Variants in COL4A2 observed in about 807,000 individuals in gnomAD.
COL4A2 encodes collagen type IV alpha 2 chain.
In COL4A2, 99 loss-of-function variants were observed where a neutral mutation model predicts 200.2. The ratio of observed to expected loss-of-function variants is 0.49; its 90% CI spans 0.42 to 0.58. The LOEUF (loss-of-function observed/expected upper bound fraction) is 0.58. Among genes scored for constraint, COL4A2 ranks in the 20% least tolerant of loss-of-function variants. COL4A2 has a pLI of 0.00. For missense variants in COL4A2, 1,950 were observed against 2,314.1 expected (o/e 0.84, Z 3.23); for synonymous variants, 897 against 900.6 (o/e 1.00, Z 0.07).
chr13:110,440,765 G>A (rs750628678), intron 16 of COL4A2, among the ~76,000 whole-genome samples: 9 of 152,124 alleles, frequency 5.9e-5, no homozygotes, highest in Non-Finnish European at 1.0e-4. Flanking sequence ...CACAGCACAC[G>A]CCTCCTACGG....
intron 3 of COL4A2, among the ~76,000 whole-genome samples, chr13:110,329,554 C>G (rs1369761934): frequency 6.6e-6 from 1 of 152,194 alleles, no homozygotes; most frequent in Non-Finnish European, 1.5e-5. Flanking sequence ...CTCACTTTAT[C>G]CTCATGGCAT....
At chr13:110,334,908 G>C (rs924732591) in intron 3 of COL4A2, among the ~76,000 whole-genome samples, 1 of 152,178 alleles carries the variant, frequency 6.6e-6, no homozygotes, top group African/African-American at 2.4e-5. Context: ...TTCAGCCCTC[G>C]GTCTGATTCA....
At chr13:110,308,036 G>T (rs764334376) in intron 2 of COL4A2, 33 bp from the exon 3 acceptor site, 1 of 1,612,860 alleles carries the variant, frequency 6.2e-7, no homozygotes, top group South Asian at 1.1e-5. Context: ...GGGCCCGCAC[G>T]TTCACGTCTC....
intron 47 of COL4A2, among the ~76,000 whole-genome samples, chr13:110,510,071 ATC>A (rs1884034868): frequency 6.6e-6 from 1 of 152,238 alleles, no homozygotes; most frequent in African/African-American, 2.4e-5. Context: ...GGCTGCTGGC[ATC>A]TCAGCATAAT....
chr13:110,483,083 G>A (rs574915642), intron 32 of COL4A2, among the ~76,000 whole-genome samples: 2 of 152,308 alleles, frequency 1.3e-5, no homozygotes, highest in South Asian at 2.1e-4. Context: ...CAGAGAGAAC[G>A]TGGTCCACAC....
At chr13:110,468,376 T>C (rs190556638) in intron 27 of COL4A2, 11 of 468,342 alleles carry the variant, frequency 2.3e-5, no homozygotes, top group Admixed American at 9.4e-5. Flanking sequence ...CCCAAAATGG[T>C]GACAACTCTG....
chr13:110,468,430 G>T, intron 27 of COL4A2: 2 of 426,136 alleles, frequency 4.7e-6, no homozygotes, highest in Non-Finnish European at 9.7e-6. Context: ...AGCACGCTCA[G>T]CACACACCCA....
intron 16 of COL4A2, among the ~76,000 whole-genome samples, chr13:110,443,597 C>T (rs1044764159): frequency 2.2e-4 from 34 of 152,256 alleles, no homozygotes; most frequent in African/African-American, 7.2e-4. Context: ...GGGGGAGGGC[C>T]GGGGAGAAAG....
chr13:110,412,848 T>C lies in COL4A2; in HGVS notation c.181-11886T>C, dbSNP rs202187840. ...TCTCATCAGATGCTGAGCGCGGGCC[T>C]CACTGGCCCAGCCCTCCTTTCCACA... On this transcript the variant is annotated intron_variant, in intron 4 of 47. Coordinates refer to ENST00000360467, the MANE Select transcript of COL4A2 (RefSeq NM_001846.4). 1.6e-4 allele frequency among the ~76,000 whole-genome samples: 25 copies of C among 152,360 alleles called. No homozygotes were observed. In the East Asian group the frequency reaches 4.8e-3, roughly 29 times the overall value.
chr13:110,484,860 T>A, intron 32 of COL4A2, 45 bp from the exon 33 acceptor site: 1 of 1,555,880 alleles, frequency 6.4e-7, no homozygotes, highest in Non-Finnish European at 8.7e-7. Flanking sequence ...TTCTCCTGCG[T>A]GGTCTGGAGC....
chr13:110,369,871 C>T (rs1048446400), intron 4 of COL4A2, among the ~76,000 whole-genome samples: 2 of 152,112 alleles, frequency 1.3e-5, no homozygotes, highest in African/African-American at 4.8e-5. Flanking sequence ...ATTCATTGAT[C>T]GCAGCACAGC....
At chr13:110,435,366 G>C (rs536180427) in intron 12 of COL4A2, among the ~76,000 whole-genome samples, 1 of 152,090 alleles carries the variant, frequency 6.6e-6, no homozygotes, top group Non-Finnish European at 1.5e-5. Flanking sequence ...GAATAGTCCC[G>C]TTAGATATAA....
chr13:110,438,195 T>G (rs192560904), intron 14 of COL4A2, among the ~76,000 whole-genome samples, 158 bp downstream of exon 14: 6 of 152,356 alleles, frequency 3.9e-5, no homozygotes, highest in African/African-American at 1.2e-4. Context: ...ATTTTTACAC[T>G]GTATTTTAAG....
intron 3 of COL4A2, among the ~76,000 whole-genome samples, chr13:110,317,033 C>T (rs1304798210): frequency 6.6e-6 from 1 of 151,128 alleles, no homozygotes; most frequent in Non-Finnish European, 1.5e-5. Flanking sequence ...CAGATGCACA[C>T]ATACATGCAT....
At position 110,438,611 on chromosome 13, in the gene COL4A2, C is replaced by T. The variant is rs2139467174; in HGVS notation, c.862-7C>T. ...TTGCTCCTTACGCCCCCTCTGCTCT[C>T]TCCTAGGGCATTTCCTTGAAGGGAG... On this transcript the variant is annotated splice_polypyrimidine_tract_variant and splice_region_variant and intron_variant, in intron 14 of 47. Transcript: ENST00000360467. The T allele has an allele frequency of 1.9e-6, 3 of 1,614,214 alleles. No individual in the cohort carries two copies. The highest frequency in any genetic ancestry group is 2.5e-6 in the Non-Finnish European group (3 of 1,180,032).
At chr13:110,422,971 C>G (rs2139451722) in intron 4 of COL4A2, among the ~76,000 whole-genome samples, 1 of 152,294 alleles carries the variant, frequency 6.6e-6, no homozygotes, top group African/African-American at 2.4e-5. Flanking sequence ...AGACACGTCT[C>G]AGCTGAACAG....
intron 47 of COL4A2, 139 bp from the exon 48 acceptor site, chr13:110,511,795 C>G (rs1225424422): frequency 1.4e-6 from 2 of 1,394,296 alleles, no homozygotes; most frequent in Non-Finnish European, 1.9e-6. Context: ...GGCGCATTCG[C>G]GAGGATGCCT....
Position 110,357,474 on chromosome 13 carries a change from T to C in COL4A2, c.102T>C (p.Gly34=), listed in dbSNP as rs771766645. 1 of 1,587,204 alleles carries C rather than the reference T, an allele frequency of 6.3e-7. No individual in the cohort carries two copies. Among genetic ancestry groups the C allele is most frequent in the Non-Finnish European group, 8.6e-7 (1 of 1,164,234 alleles). The change falls in exon 4 of 48, where the codon GGT becomes GGC. Residue 34 remains glycine (G), a splice_region_variant and synonymous_variant. Coordinates refer to ENST00000360467, the MANE Select transcript of COL4A2 (RefSeq NM_001846.4). ...VGFLAQSVLA[G]VKKFDVPCGG... is the part of the protein sequence containing the mutation. ...TGCCTTGTGTTTTATTGTTGCAGGG[T>C]GTGAAGAAGTTTGATGTGCCGTGTG... is the stretch of plus-strand genomic sequence containing the variant.
intron 24 of COL4A2, among the ~76,000 whole-genome samples, chr13:110,464,963 C>G (rs929095522): frequency 6.6e-6 from 1 of 152,226 alleles, no homozygotes; most frequent in Non-Finnish European, 1.5e-5. Context: ...CGGCTCTTTC[C>G]TTGTCCAAAT....
Sources: gnomAD v4.1 joint callset for allele counts (sites outside exome capture counted in the v4.1 genomes callset) on GRCh38, gnomAD v4.1.1 for gene constraint, MANE v1.5 for transcripts, NCBI Gene and HGNC (gene_info 2026-07-23, HGNC 2026-07-21) for gene names.